Variants in RAB6A observed in about 807,000 individuals in gnomAD.
RAB6A encodes the protein ras-related protein Rab-6A.
RAB6A carries 8 observed loss-of-function variants against 32.3 expected under a neutral mutation model. The observed-to-expected ratio is 0.25, with a 90% CI of 0.15 to 0.45. The LOEUF (loss-of-function observed/expected upper bound fraction) is 0.45. Ranked by LOEUF, RAB6A falls within the 20% of genes least tolerant of loss-of-function variation. The pLI is 1.00. For synonymous variants in RAB6A, 73 were observed against 82.1 expected (o/e 0.89, Z 0.60); for missense variants, 104 against 249.4 (o/e 0.42, Z 3.93).
At chr11:73,709,821 GCA>G (rs1945912867) in intron 5 of RAB6A, among the ~76,000 whole-genome samples, 2 of 10,498 alleles carry the variant, frequency 1.9e-4, no homozygotes, top group Admixed American at 5.0e-3. Flanking sequence ...ATGAATTCAT[GCA>G]TATATATACA....
chr11:73,718,143 TTC>T (rs1310849476), intron 4 of RAB6A, among the ~76,000 whole-genome samples: 4 of 152,222 alleles, frequency 2.6e-5, no homozygotes, highest in African/African-American at 9.6e-5. Flanking sequence ...ACATTATGTT[TTC>T]TCTGTCTTCC....
At chr11:73,719,006 C>T (rs1342861173) in intron 3 of RAB6A, 4 of 916,230 alleles carry the variant, frequency 4.4e-6, no homozygotes, top group African/African-American at 1.7e-5. Context: ...AAAGAAGACT[C>T]ATGCAAGAGG....
chr11:73,709,340 G>A (rs1164854510), intron 5 of RAB6A, among the ~76,000 whole-genome samples: 2 of 151,720 alleles, frequency 1.3e-5, no homozygotes, highest in Admixed American at 1.3e-4. Flanking sequence ...GAACAAGGAG[G>A]GAGGGAGTGA....
chr11:73,712,453 C>T (rs893907186), intron 5 of RAB6A, among the ~76,000 whole-genome samples: 3 of 151,992 alleles, frequency 2.0e-5, no homozygotes, highest in African/African-American at 7.3e-5. Context: ...TGGGCTCAAG[C>T]AATTCTCCTG....
intron 1 of RAB6A, among the ~76,000 whole-genome samples, chr11:73,757,079 A>C (rs1173259488): frequency 8.0e-6 from 1 of 124,914 alleles, no homozygotes; most frequent in Non-Finnish European, 1.6e-5. Context: ...TATAGAGCGT[A>C]GTATCTTAAA....
intron 7 of RAB6A, among the ~76,000 whole-genome samples, chr11:73,679,106 A>G (rs1945314933): frequency 6.6e-6 from 1 of 152,182 alleles, no homozygotes; most frequent in South Asian, 2.1e-4. Context: ...TATATGGCTT[A>G]ATAAAAATGC....
Position 73,732,137 on chromosome 11 carries a change from G to A in RAB6A, c.71-1314C>T, listed in dbSNP as rs980408482. On this transcript the variant is annotated intron_variant, in intron 1 of 7. Transcript: ENST00000336083. ...TTACCAATAAGCACATTCTCCAAGG[G>A]CAAAAACCATATCTGATTATTTTTC... Among the ~76,000 whole-genome samples the A allele has an allele frequency of 4.6e-5, 7 of 152,000 alleles. No individual in the cohort carries two copies. In the South Asian group the frequency reaches 1.5e-3, roughly 32 times the overall value.
intron 1 of RAB6A, among the ~76,000 whole-genome samples, chr11:73,736,233 A>G (rs969546164): frequency 2.0e-5 from 3 of 152,068 alleles, no homozygotes; most frequent in Non-Finnish European, 2.9e-5. Flanking sequence ...GTTTCAGATC[A>G]GCCTGGCCAA....
chr11:73,705,366 G>A (rs1945821568), intron 6 of RAB6A, among the ~76,000 whole-genome samples: 1 of 152,102 alleles, frequency 6.6e-6, no homozygotes, highest in Non-Finnish European at 1.5e-5. Flanking sequence ...TGGCCAACAA[G>A]GTGAAACCCT....
At chr11:73,681,059 C>T (rs1043199109) in intron 6 of RAB6A, among the ~76,000 whole-genome samples, 2 of 152,204 alleles carry the variant, frequency 1.3e-5, no homozygotes, top group Non-Finnish European at 2.9e-5. Flanking sequence ...TAATTAAGCA[C>T]ACAGTGTAAA....
chr11:73,705,576 A>AAT lies in RAB6A; in HGVS notation c.495+1842_495+1843dup, dbSNP rs1291666942. On this transcript the variant is annotated intron_variant, in intron 6 of 7. Transcript: ENST00000336083. ...AAAAAAATAAATAAATATAAGAGAAAATATATATAAGAAATAGAAAAGAGA... is the reference window on the plus strand; with the variant it reads ...AAAAAAATAAATAAATATAAGAGAAAATATATATATAAGAAATAGAAAAGAGA... 2.6e-5 allele frequency among the ~76,000 whole-genome samples: 4 copies of AAT among 152,046 alleles called. No homozygotes were observed. In the East Asian group the frequency reaches 7.7e-4, roughly 29 times the overall value.
At chr11:73,727,987 A>AT (rs1453969746) in intron 2 of RAB6A, among the ~76,000 whole-genome samples, 1 of 152,278 alleles carries the variant, frequency 6.6e-6, no homozygotes, top group African/African-American at 2.4e-5. Flanking sequence ...TTAACTTAAA[A>AT]TTTTTTTAAT....
At chr11:73,702,988 C>A (rs886568050) in intron 6 of RAB6A, among the ~76,000 whole-genome samples, 4 of 151,830 alleles carry the variant, frequency 2.6e-5, no homozygotes, top group African/African-American at 9.7e-5. Flanking sequence ...TCCCGAGTAG[C>A]TGGGATTACA....
At chr11:73,700,673 G>C (rs1311945426) in intron 6 of RAB6A, among the ~76,000 whole-genome samples, 2 of 149,990 alleles carry the variant, frequency 1.3e-5, no homozygotes, top group Admixed American at 6.7e-5. Flanking sequence ...TTTTTCAGAG[G>C]CTGTCTTTTT....
chr11:73,695,225 TTTAAAAAAAAGAAAAACCTATTTC>T (rs1229285708), intron 6 of RAB6A, among the ~76,000 whole-genome samples: 12 of 152,082 alleles, frequency 7.9e-5, no homozygotes, highest in Non-Finnish European at 5.9e-5. Flanking sequence ...TACTTCTTGG[TTTAAAAAAAAGAAAAACCTATTTC>T]TTAAATGCCA....
At chr11:73,718,320 C>T (rs1351112452) in intron 4 of RAB6A, among the ~76,000 whole-genome samples, 1 of 152,032 alleles carries the variant, frequency 6.6e-6, no homozygotes, top group African/African-American at 2.4e-5. Flanking sequence ...AACATTCCTC[C>T]AACTATAATT....
chr11:73,748,240 A>G (rs1296641437), intron 1 of RAB6A, among the ~76,000 whole-genome samples: 1 of 152,232 alleles, frequency 6.6e-6, no homozygotes, highest in African/African-American at 2.4e-5. Context: ...TAATTCTCTA[A>G]TATAGAGATC....
At chr11:73,686,353 C>A (rs1393170171) in intron 6 of RAB6A, among the ~76,000 whole-genome samples, 4 of 151,932 alleles carry the variant, frequency 2.6e-5, no homozygotes, top group African/African-American at 9.7e-5. Flanking sequence ...GTCAGGAGTT[C>A]GACCAGCTTG....
chr11:73,681,356 T>C (rs1411033563), intron 6 of RAB6A, among the ~76,000 whole-genome samples: 1 of 152,224 alleles, frequency 6.6e-6, no homozygotes, highest in African/African-American at 2.4e-5. Flanking sequence ...AGGTAACATC[T>C]GAGTTGAGAT....
Sources: allele counts gnomAD v4.1 joint callset (sites outside exome capture counted in the v4.1 genomes callset), GRCh38; gene constraint gnomAD v4.1.1; transcripts MANE v1.5; gene names NCBI Gene and HGNC (gene_info 2026-07-23, HGNC 2026-07-21).